DMD: variants seen among roughly 807,000 people sequenced by gnomAD.
DMD encodes the protein dystrophin.
A neutral mutation model predicts 330.1 loss-of-function variants in DMD; 63 were observed. The ratio of observed to expected loss-of-function variants is 0.19; its 90% CI spans 0.16 to 0.24. The LOEUF is 0.24. Among genes scored for constraint, DMD ranks in the 10% least tolerant of loss-of-function variants. The probability of loss-of-function intolerance (pLI) is 1.00; values close to 1 mark genes in which losing one functional copy is unlikely to be tolerated. For missense variants in DMD, 3,344 were observed against 2,684.1 expected (o/e 1.25, Z -5.43); for synonymous variants, 1,223 against 959.8 (o/e 1.27, Z -5.07).
chrX:32,852,687 C>T (rs750853991), intron 2 of DMD, among the ~76,000 whole-genome samples: 3 of 108,856 alleles, frequency 2.8e-5, no homozygotes, highest in Admixed American at 9.8e-5. Flanking sequence ...ACCCAGGCCT[C>T]GCAGCGTTTA....
intron 52 of DMD, among the ~76,000 whole-genome samples, chrX:31,723,175 G>C: frequency 9.0e-6 from 1 of 110,929 alleles, no homozygotes; most frequent in East Asian, 2.9e-4. Context: ...CAACTTCTAG[G>C]CTTTTTCCTA....
Position 32,394,916 on chromosome X carries a change from C to CAA in DMD, c.4234-4737_4234-4736dup, listed in dbSNP as rs72234458. On this transcript the variant is annotated intron_variant, in intron 30 of 78. Coordinates refer to ENST00000357033, the MANE Select transcript of DMD (RefSeq NM_004006.3). The stretch of plus-strand genomic sequence containing the variant: ...CAAAGAAGAGCAAAAAACAAAAAAA[C>CAA]AAAAAAAAAAAAAAAAAGAAAAGAA... Among the ~76,000 whole-genome samples, 189 of 39,052 alleles carry CAA rather than the reference C, an allele frequency of 4.8e-3. 1 individual carries two copies. Among genetic ancestry groups the CAA allele is most frequent in the African/African-American group, 0.013 (161 of 12,754 alleles). The allele number at this position is 39,052 out of a possible 115,157, so 33.9% of individuals were successfully genotyped here.
intron 1 of DMD, among the ~76,000 whole-genome samples, chrX:33,077,492 C>T (rs181555039): frequency 5.4e-5 from 6 of 111,476 alleles, no homozygotes; most frequent in Admixed American, 2.9e-4. Flanking sequence ...GGCCGTCGAT[C>T]GCTCTGGCTT....
chrX:33,306,288 A>T (rs1309262513), intron 1 of DMD, among the ~76,000 whole-genome samples: 1 of 112,024 alleles, frequency 8.9e-6, no homozygotes, highest in Non-Finnish European at 1.9e-5. Flanking sequence ...TCATTCATTT[A>T]GACAAATTTT....
chrX:32,058,829 A>G lies in DMD; in HGVS notation c.6439-90315T>C, dbSNP rs758675219. Among the ~76,000 whole-genome samples the G allele has an allele frequency of 6.3e-5, 7 of 111,774 alleles. No individual in the cohort carries two copies. In the East Asian group the frequency reaches 2.0e-3, roughly 32 times the overall value. ...TTATTGTAGCATTTTTACAGTAGCC[A>G]AGAGGTGTGAACAAACTAAATGTCT... On this transcript the variant is annotated intron_variant, in intron 44 of 78. Coordinates refer to ENST00000357033, the MANE Select transcript of DMD (RefSeq NM_004006.3).
chrX:32,537,905 C>A (rs1453344586), intron 17 of DMD, among the ~76,000 whole-genome samples: 1 of 112,100 alleles, frequency 8.9e-6, no homozygotes, highest in Non-Finnish European at 1.9e-5. Context: ...CTACTGTAGC[C>A]AGACATCCAA....
At chrX:32,741,252 C>G (rs1369540332) in intron 7 of DMD, among the ~76,000 whole-genome samples, 1 of 111,438 alleles carries the variant, frequency 9.0e-6, no homozygotes, top group East Asian at 2.8e-4. Flanking sequence ...AATCATGACT[C>G]TTTGAGAGGG....
intron 44 of DMD, among the ~76,000 whole-genome samples, chrX:32,111,973 A>G (rs1364023309): frequency 8.9e-6 from 1 of 112,227 alleles, no homozygotes; most frequent in East Asian, 2.8e-4. Flanking sequence ...CTATAGTTAT[A>G]TATTACATTC....
At chrX:31,313,813 CT>C (rs112090679) in intron 62 of DMD, among the ~76,000 whole-genome samples, 29,451 of 97,327 alleles carry the variant, frequency 0.3, 3,579 homozygotes, top group East Asian at 0.35. Context: ...CTGTTTCTTC[CT>C]TTTTTTTTTT....
intron 63 of DMD, among the ~76,000 whole-genome samples, chrX:31,254,318 T>C (rs753932649): frequency 5.9e-5 from 6 of 102,345 alleles, no homozygotes; most frequent in Non-Finnish European, 1.2e-4. Flanking sequence ...ACATATTTTA[T>C]TGTATTTATA....
In DMD at chrX:31,929,620, C is replaced by T; in HGVS notation, c.6888G>A (p.Lys2296=). ...CCTTTATCCACTGGAGATTTGTCTG[C>T]TTGAGCTTATTTTCAAGTTTATCTT... The part of the protein sequence containing the change: ...EEQDKLENKL[K]QTNLQWIKVS... Residue 2296 remains lysine, a synonymous_variant, in exon 47 of 79, where the codon AAG becomes AAA. Coordinates refer to ENST00000357033, the MANE Select transcript of DMD (RefSeq NM_004006.3). 2 of 1,211,180 alleles carry T rather than the reference C, an allele frequency of 1.7e-6. No homozygotes were observed. The highest frequency in any genetic ancestry group is 2.2e-6 in the Non-Finnish European group (2 of 895,353).
intron 76 of DMD, among the ~76,000 whole-genome samples, chrX:31,142,888 G>C (rs767701480): frequency 7.1e-5 from 8 of 112,342 alleles, no homozygotes; most frequent in African/African-American, 2.6e-4. Context: ...TCAGTGATAA[G>C]TATTTCATGG....
chrX:33,193,423 A>G (rs188361402), intron 1 of DMD, among the ~76,000 whole-genome samples: 35 of 112,845 alleles, frequency 3.1e-4, no homozygotes, highest in African/African-American at 1.1e-3. Context: ...AGATACATAA[A>G]TATTTCAATA....
At chrX:32,702,584 T>A (rs1011902374) in intron 7 of DMD, among the ~76,000 whole-genome samples, 7 of 111,295 alleles carry the variant, frequency 6.3e-5, no homozygotes, top group African/African-American at 2.3e-4. Context: ...GAGTAAATAC[T>A]TTTCAATGAG....
intron 7 of DMD, among the ~76,000 whole-genome samples, chrX:32,716,979 T>C (rs938309636): frequency 2.7e-5 from 3 of 111,367 alleles, no homozygotes; most frequent in Admixed American, 9.6e-5. Context: ...TATACGGTCA[T>C]ATGTATGAGC....
intron 43 of DMD, among the ~76,000 whole-genome samples, chrX:32,278,855 A>G (rs1039167501): frequency 8.9e-6 from 1 of 112,085 alleles, no homozygotes; most frequent in African/African-American, 3.2e-5. Context: ...GCAGTGAAAC[A>G]ATCAATAAAG....
chrX:32,852,376 T>A (rs943556419), intron 2 of DMD, among the ~76,000 whole-genome samples: 1 of 111,653 alleles, frequency 9.0e-6, no homozygotes, highest in Admixed American at 9.5e-5. Flanking sequence ...GGGTCCTGAA[T>A]AAGCAGCAGT....
intron 11 of DMD, among the ~76,000 whole-genome samples, chrX:32,636,931 G>A (rs943940477): frequency 3.6e-5 from 4 of 110,046 alleles, no homozygotes; most frequent in Non-Finnish European, 7.6e-5. Context: ...CCGGGGGGCG[G>A]AGCTTGCAGT....
At chrX:32,472,826 G>T (rs959410878) in intron 21 of DMD, among the ~76,000 whole-genome samples, 1 of 110,998 alleles carries the variant, frequency 9.0e-6, no homozygotes, top group Non-Finnish European at 1.9e-5. Flanking sequence ...CTTAGTATAT[G>T]TATCAAGAAC....
Sources: allele counts gnomAD v4.1 joint callset (sites outside exome capture counted in the v4.1 genomes callset), GRCh38; gene constraint gnomAD v4.1.1; transcripts MANE v1.5; gene names NCBI Gene and HGNC (gene_info 2026-07-23, HGNC 2026-07-21).